BCAS3: variants seen among roughly 807,000 people sequenced by gnomAD.
The protein encoded by BCAS3 is BCAS4/BCAS3 fusion.
In BCAS3, 53 loss-of-function variants were observed where a neutral mutation model predicts 116.1. The ratio of observed to expected loss-of-function variants is 0.46; its 90% CI spans 0.37 to 0.57. The LOEUF (loss-of-function observed/expected upper bound fraction) is 0.57, where lower values mean the gene tolerates loss of function less well. Among genes scored for constraint, BCAS3 ranks in the 20% least tolerant of loss-of-function variants. The pLI is 0.00. For missense variants in BCAS3, 917 were observed against 1,165.4 expected (o/e 0.79, Z 3.10); for synonymous variants, 391 against 408.2 (o/e 0.96, Z 0.51).
chr17:60,899,151 G>A (rs2057706659), intron 10 of BCAS3, among the ~76,000 whole-genome samples: 1 of 152,082 alleles, frequency 6.6e-6, no homozygotes, highest in Admixed American at 6.5e-5. Flanking sequence ...TGGGTGAGGG[G>A]CCCTGAGGCT....
intron 22 of BCAS3, among the ~76,000 whole-genome samples, chr17:61,102,592 C>T (rs1345055217): frequency 6.6e-6 from 1 of 152,098 alleles, no homozygotes; most frequent in African/African-American, 2.4e-5. Flanking sequence ...ACATGTTTTA[C>T]ATAGCTTGTT....
rs943720011 is a variant in BCAS3, at chr17:61,302,816, A to G, written c.2426-65511A>G. Among the ~76,000 whole-genome samples, 2 of 152,214 alleles carry G rather than the reference A, an allele frequency of 1.3e-5. No homozygotes were observed. Among genetic ancestry groups the G allele is most frequent in the African/African-American group, 4.8e-5 (2 of 41,454 alleles). On this transcript the variant is annotated intron_variant, in intron 22 of 23. Coordinates refer to ENST00000407086, the MANE Select transcript of BCAS3 (RefSeq NM_017679.5). The surrounding 1 kb of genome is among the most constrained non-coding windows in gnomAD (Gnocchi z 4.4). ...TAGTTCAGACTTTGTAGAGAAAGGC[A>G]GTGAGACGGAACAGTTCTGGCCATA... is the stretch of plus-strand genomic sequence containing the variant.
chr17:61,078,709 C>T (rs1280116170), intron 21 of BCAS3, among the ~76,000 whole-genome samples, 180 bp downstream of exon 21: 1 of 152,192 alleles, frequency 6.6e-6, no homozygotes, highest in Non-Finnish European at 1.5e-5. Flanking sequence ...CTCGTGGGAT[C>T]ACATTACGTG....
intron 6 of BCAS3, among the ~76,000 whole-genome samples, chr17:60,776,546 C>T (rs976626370): frequency 6.6e-6 from 1 of 151,914 alleles, no homozygotes. Flanking sequence ...TAGTGAAAAC[C>T]CATCTCTACT....
intron 6 of BCAS3, among the ~76,000 whole-genome samples, chr17:60,790,608 C>G (rs532788965): frequency 1.5e-3 from 232 of 152,164 alleles, no homozygotes; most frequent in African/African-American, 4.0e-3. Context: ...TATGTTTGAA[C>G]AAACCTATTC....
rs540817930 is a variant in BCAS3, at chr17:61,199,676, T to C, written c.2425+115112T>C. Among the ~76,000 whole-genome samples the C allele has an allele frequency of 7.9e-4, 120 of 152,332 alleles. No individual in the cohort carries two copies. Among genetic ancestry groups the C allele is most frequent in the Non-Finnish European group, 1.5e-3 (101 of 68,038 alleles). ...AACACAAAGGGTAATGAATTACTAATACCATAGTTCCCTTCTCAAACAGCA... is the reference window on the plus strand; with the variant it reads ...AACACAAAGGGTAATGAATTACTAACACCATAGTTCCCTTCTCAAACAGCA... On this transcript the variant is annotated intron_variant, in intron 22 of 23. Transcript: ENST00000407086. This position sits in a 1 kb window ranked among gnomAD's most constrained non-coding sequence, Gnocchi z 4.6.
intron 7 of BCAS3, among the ~76,000 whole-genome samples, chr17:60,820,717 A>C (rs2049886028): frequency 6.6e-6 from 1 of 152,180 alleles, no homozygotes; most frequent in African/African-American, 2.4e-5. Context: ...GAATGGGGGT[A>C]TAAGAAAGAG....
intron 19 of BCAS3, among the ~76,000 whole-genome samples, chr17:61,055,417 A>C (rs776189814): frequency 1.3e-5 from 2 of 152,200 alleles, no homozygotes; most frequent in Non-Finnish European, 2.9e-5. Flanking sequence ...GTTTGACTCC[A>C]TTAAGTGTGC....
chr17:60,917,696 C>T (rs369393486), intron 12 of BCAS3, among the ~76,000 whole-genome samples: 8 of 152,094 alleles, frequency 5.3e-5, no homozygotes, highest in Middle Eastern at 3.4e-3. Context: ...TGGGTTCAAG[C>T]GATTCTCTTG....
At chr17:60,832,931 G>T (rs2051064824) in intron 7 of BCAS3, among the ~76,000 whole-genome samples, 1 of 152,118 alleles carries the variant, frequency 6.6e-6, no homozygotes, top group South Asian at 2.1e-4. Flanking sequence ...GAAATAAAAA[G>T]AATTAGTTCT....
At chr17:61,329,343 A>ATTTTTTTTTTTTTTTTT (rs35909318) in intron 22 of BCAS3, among the ~76,000 whole-genome samples, 2 of 131,280 alleles carry the variant, frequency 1.5e-5, no homozygotes, top group African/African-American at 5.9e-5. Context: ...TATTATTATT[A>ATTTTTTTTTTTTTTTTT]TTTTTTTTTT....
intron 7 of BCAS3, chr17:60,810,504 G>A (rs1305660723): frequency 1.7e-5 from 13 of 745,170 alleles, no homozygotes; most frequent in Admixed American, 1.4e-4. Context: ...GCAAAACCCA[G>A]GAGCACCTGG....
At chr17:61,374,381 G>A (rs1384117549) in intron 23 of BCAS3, among the ~76,000 whole-genome samples, 1 of 152,020 alleles carries the variant, frequency 6.6e-6, no homozygotes, top group Non-Finnish European at 1.5e-5. Flanking sequence ...ATGTTGGCCA[G>A]GCTGGTCTCA....
intron 22 of BCAS3, among the ~76,000 whole-genome samples, chr17:61,247,396 T>C (rs906353493): frequency 2.0e-5 from 3 of 152,204 alleles, no homozygotes; most frequent in African/African-American, 7.2e-5. Context: ...AAAATACTTA[T>C]ATTTAAGTAT....
At chr17:61,240,388 C>A (rs954689998) in intron 22 of BCAS3, among the ~76,000 whole-genome samples, 1 of 152,168 alleles carries the variant, frequency 6.6e-6, no homozygotes, top group Admixed American at 6.5e-5. Flanking sequence ...CAGTGGGTCA[C>A]ACCTGTAACC....
intron 5 of BCAS3, among the ~76,000 whole-genome samples, chr17:60,714,803 G>A (rs1007431242): frequency 6.6e-6 from 1 of 152,144 alleles, no homozygotes; most frequent in Non-Finnish European, 1.5e-5. Flanking sequence ...CAGCTCAAAA[G>A]CAGAACTGTG....
At chr17:61,269,089 A>G (rs2050012066) in intron 22 of BCAS3, among the ~76,000 whole-genome samples, 2 of 151,552 alleles carry the variant, frequency 1.3e-5, no homozygotes, top group Non-Finnish European at 2.9e-5. Flanking sequence ...AGGTGTGCAA[A>G]CATCTCTTAG....
intron 15 of BCAS3, among the ~76,000 whole-genome samples, chr17:61,001,711 G>A (rs895411761): frequency 9.9e-5 from 15 of 151,980 alleles, no homozygotes; most frequent in African/African-American, 3.1e-4. Flanking sequence ...TTGATTATGT[G>A]TACTTTATTG....
At chr17:61,385,017 T>C (rs1430171098) in intron 23 of BCAS3, among the ~76,000 whole-genome samples, 2 of 152,164 alleles carry the variant, frequency 1.3e-5, no homozygotes, top group East Asian at 1.9e-4. Flanking sequence ...TTTCACCTCC[T>C]AAAAAGTGCC....
Sources: allele counts gnomAD v4.1 joint callset (sites outside exome capture counted in the v4.1 genomes callset), GRCh38; gene constraint gnomAD v4.1.1; non-coding constraint Gnocchi (gnomAD v3.1); transcripts MANE v1.5; gene names NCBI Gene and HGNC (gene_info 2026-07-23, HGNC 2026-07-21).